The following METTL25 variants were observed in gnomAD, a reference collection of about 807,000 sequenced individuals.
METTL25 encodes the protein methyltransferase like 25.
In METTL25, 64 loss-of-function variants were observed where a neutral mutation model predicts 71.6. The observed-to-expected ratio is 0.89, with a 90% CI of 0.73 to 1.10. METTL25 has a LOEUF of 1.10. METTL25 is among the 50% of genes least tolerant of loss of function. METTL25 has a pLI of 0.00. For missense variants in METTL25, 807 were observed against 707.0 expected, an observed-to-expected ratio of 1.14 and a Z score of -1.60; for synonymous variants, 287 against 250.3, an observed-to-expected ratio of 1.15 and a Z score of -1.38.
At chr12:82,417,246 A>G (rs960867548) in intron 5 of METTL25, among the ~76,000 whole-genome samples, 1 of 152,188 alleles carries the variant, frequency 6.6e-6, no homozygotes, top group African/African-American at 2.4e-5. Flanking sequence ...TAAGATGCCT[A>G]TCAACCTAAA....
chr12:82,368,862 C>T (rs1882874965), intron 1 of METTL25, among the ~76,000 whole-genome samples: 1 of 152,202 alleles, frequency 6.6e-6, no homozygotes, highest in Non-Finnish European at 1.5e-5. Context: ...CAACTTCCTA[C>T]ATGATCTGAC....
chr12:82,412,995 A>G (rs1429023560), intron 5 of METTL25, among the ~76,000 whole-genome samples: 1 of 152,034 alleles, frequency 6.6e-6, no homozygotes. Flanking sequence ...TATGTGATTG[A>G]TTATGCTTCA....
intron 9 of METTL25, among the ~76,000 whole-genome samples, chr12:82,469,169 G>C (rs574203357): frequency 7.2e-5 from 11 of 152,204 alleles, no homozygotes; most frequent in African/African-American, 2.6e-4. Context: ...CTGTATTTCT[G>C]CCTGGTGTTT....
Position 82,389,888 on chromosome 12 carries a change from T to C in METTL25, c.497T>C (p.Ile166Thr), listed in dbSNP as rs1592633490. The change falls in exon 3 of 12, where the codon ATC (isoleucine) becomes ACC (threonine). Residue 166 changes from isoleucine to threonine, a missense_variant. By Grantham distance (89) the Ile-to-Thr change is moderately conservative (BLOSUM62 -1). Transcript: ENST00000248306. ...GAAGTTCAGGCAATGTCAGAGCTGA[T>C]CAGCAGTATTGCTGACTACTATGGA... The part of the protein sequence containing the change: ...SHEVQAMSEL[I>T]SSIADYYGIK... 3.1e-6 allele frequency: 5 copies of C among 1,599,404 alleles called. No homozygotes were observed. In the East Asian group the frequency reaches 1.1e-4, roughly 36 times the overall value.
intron 10 of METTL25, 40 bp downstream of exon 10, chr12:82,476,758 C>A: frequency 7.5e-7 from 1 of 1,328,938 alleles, no homozygotes; most frequent in Non-Finnish European, 1.1e-6. Flanking sequence ...GGATATGTTG[C>A]TAGACTTGAA....
intron 5 of METTL25, among the ~76,000 whole-genome samples, chr12:82,410,734 A>G (rs1458881557): frequency 1.3e-5 from 2 of 152,088 alleles, no homozygotes; most frequent in Non-Finnish European, 2.9e-5. Flanking sequence ...ACTATGAGCC[A>G]TAAAGTGATA....
intron 1 of METTL25, among the ~76,000 whole-genome samples, chr12:82,363,305 A>G (rs995065475): frequency 2.6e-5 from 4 of 152,214 alleles, no homozygotes; most frequent in Non-Finnish European, 4.4e-5. Context: ...TGTATTTCCT[A>G]AAGTACATAC....
intron 11 of METTL25, 52 bp from the exon 12 acceptor site, chr12:82,478,880 A>AT (rs937921853): frequency 9.7e-6 from 14 of 1,443,852 alleles, no homozygotes; most frequent in Admixed American, 1.7e-5. Context: ...CTCGCGTCTA[A>AT]TTTTTTTCTT....
chr12:82,466,358 A>G (rs1055722543), intron 9 of METTL25, among the ~76,000 whole-genome samples: 1 of 145,968 alleles, frequency 6.9e-6, no homozygotes, highest in African/African-American at 2.5e-5. Flanking sequence ...TTTTTCACCC[A>G]TTGGTCATTC....
At chr12:82,464,593 T>G (rs1342390015) in intron 9 of METTL25, among the ~76,000 whole-genome samples, 2 of 151,920 alleles carry the variant, frequency 1.3e-5, no homozygotes, top group Non-Finnish European at 2.9e-5. Flanking sequence ...TTGGCTATTC[T>G]GGATCTTTTG....
At chr12:82,389,589 A>G (rs2136957914) in intron 2 of METTL25, among the ~76,000 whole-genome samples, 1 of 152,172 alleles carries the variant, frequency 6.6e-6, no homozygotes, top group Admixed American at 6.6e-5. Flanking sequence ...CTTTTCCATT[A>G]TAGTTAATTG....
At chr12:82,399,460 T>G (rs977364136) in intron 4 of METTL25, 66 bp downstream of exon 4, 22 of 1,189,918 alleles carry the variant, frequency 1.8e-5, no homozygotes, top group Non-Finnish European at 2.5e-5. Context: ...TAATAGTAGC[T>G]TACTTAACAT....
chr12:82,434,959 A>G (rs957450516), intron 7 of METTL25, among the ~76,000 whole-genome samples: 3 of 151,538 alleles, frequency 2.0e-5, no homozygotes, highest in African/African-American at 7.2e-5. Flanking sequence ...ATTTCTTTGT[A>G]TTATACTAAA....
In METTL25 at chr12:82,438,727, G is replaced by C. The variant is rs1828137799; in HGVS notation, c.1414G>C (p.Glu472Gln). Reference protein sequence around the residue: ...RVAAGQGLPTESLFYRAVLQD... With the variant: ...RVAAGQGLPTQSLFYRAVLQD... ...TCTACATTTTTTTCAGCTGCCTACTGAATCACTCTTCTATCGTGCTGTTCT... is the reference window on the plus strand; with the variant it reads ...TCTACATTTTTTTCAGCTGCCTACTCAATCACTCTTCTATCGTGCTGTTCT... Residue 472 changes from glutamate (E) to glutamine (Q), a missense_variant, in exon 8 of 12, where the codon GAA (glutamate) becomes CAA (glutamine). Transcript: ENST00000248306. 2.7e-6 allele frequency: 4 copies of C among 1,489,276 alleles called. No individual in the cohort carries two copies. Among genetic ancestry groups the C allele is most frequent in the Non-Finnish European group, 3.6e-6 (4 of 1,113,610 alleles). 92.3% of individuals were successfully genotyped at this position (1,489,276 alleles called of 1,614,324 possible).
At position 82,389,893 on chromosome 12, in the gene METTL25, A is replaced by G. The variant is rs1264696254; in HGVS notation, c.502A>G (p.Ser168Gly). The change falls in exon 3 of 12, where the codon AGT (serine) becomes GGT (glycine). Residue 168 changes from serine to glycine, a missense_variant. Physicochemically the swap from Ser to Gly is moderately conservative, Grantham distance 56 (BLOSUM62 0). Transcript: ENST00000248306. ...EVQAMSELISSIADYYGIKQV... is the reference protein window; with the variant it reads ...EVQAMSELISGIADYYGIKQV... ...TCAGGCAATGTCAGAGCTGATCAGCAGTATTGCTGACTACTATGGAATAAA... is the reference window on the plus strand; with the variant it reads ...TCAGGCAATGTCAGAGCTGATCAGCGGTATTGCTGACTACTATGGAATAAA... 1.3e-6 allele frequency: 2 copies of G among 1,586,788 alleles called. No homozygotes were observed. Among genetic ancestry groups the G allele is most frequent in the Non-Finnish European group, 1.7e-6 (2 of 1,157,924 alleles).
At chr12:82,365,316 C>T (rs1376027283) in intron 1 of METTL25, among the ~76,000 whole-genome samples, 1 of 152,102 alleles carries the variant, frequency 6.6e-6, no homozygotes, top group Non-Finnish European at 1.5e-5. Flanking sequence ...AAATATAGTA[C>T]TTTATTTAGT....
At chr12:82,428,138 AC>A (rs372199539) in intron 5 of METTL25, among the ~76,000 whole-genome samples, 2 of 151,382 alleles carry the variant, frequency 1.3e-5, no homozygotes, top group African/African-American at 4.8e-5. Flanking sequence ...GAAAGAACAT[AC>A]CCCCCCATCC....
intron 9 of METTL25, among the ~76,000 whole-genome samples, chr12:82,458,593 C>A (rs1243954729): frequency 6.6e-6 from 1 of 152,014 alleles, no homozygotes; most frequent in Admixed American, 6.6e-5. Flanking sequence ...GTGAGTTTTA[C>A]CTTAATGAGC....
rs57098687 is a variant in METTL25, at chr12:82,441,806, A to AACACACACACACACACACACACACAC, written c.1478+3017_1478+3042dup. Among the ~76,000 whole-genome samples the AACACACACACACACACACACACACAC allele has an allele frequency of 7.5e-5, 10 of 133,984 alleles. 1 individual carries two copies. The highest frequency in any genetic ancestry group is 2.6e-4 in the African/African-American group (9 of 35,152). The allele number at this position is 133,984 out of a possible 152,430, so 87.9% of individuals were successfully genotyped here. On this transcript the variant is annotated intron_variant, in intron 8 of 11. Transcript: ENST00000248306. ...TATAGCAAAAAAAAAAAAAAATAGA[A>AACACACACACACACACACACACACAC]ACACACACACACACACACACACACA...
Sources: gnomAD v4.1 joint callset for allele counts (sites outside exome capture counted in the v4.1 genomes callset) on GRCh38, gnomAD v4.1.1 for gene constraint, MANE v1.5 for transcripts, NCBI Gene and HGNC (gene_info 2026-07-23, HGNC 2026-07-21) for gene names.